The following PKD1L3 variants were observed in gnomAD, a reference collection of about 807,000 sequenced individuals.
PKD1L3 encodes polycystin 1 like 3, transient receptor potential channel interacting, also known as polycystin-1-like protein 3.
A neutral mutation model predicts 184.1 loss-of-function variants in PKD1L3; 239 were observed. The ratio of observed to expected loss-of-function variants is 1.30; its 90% CI spans 1.17 to 1.45. The LOEUF (loss-of-function observed/expected upper bound fraction) is 1.45, where lower values mean the gene tolerates loss of function less well. Ranked by LOEUF, PKD1L3 falls within the 40% of genes most tolerant of loss-of-function variation. PKD1L3 has a pLI of 0.00. For synonymous variants in PKD1L3, 996 were observed against 778.8 expected (o/e 1.28, Z -4.64); for missense variants, 2,660 against 2,067.2 (o/e 1.29, Z -5.56).
chr16:71,945,301 TATATACAC>T (rs1194915713), intron 22 of PKD1L3, among the ~76,000 whole-genome samples: 69 of 55,682 alleles, frequency 1.2e-3, no homozygotes, highest in African/African-American at 4.2e-3. Context: ...TATATATATA[TATATACAC>T]ACACACACAC....
chr16:71,982,166 T>G lies in PKD1L3; in HGVS notation c.1036A>C (p.Ser346Arg), dbSNP rs1168391371. 116 of 1,551,012 alleles carry G rather than the reference T, an allele frequency of 7.5e-5. No homozygotes were observed. The highest frequency in any genetic ancestry group is 9.6e-5 in the Non-Finnish European group (110 of 1,146,710). Residue 346 changes from serine (S) to arginine (R), a missense_variant, in exon 7 of 30, where the codon AGT becomes CGT. Coordinates refer to ENST00000620267, the MANE Select transcript of PKD1L3 (RefSeq NM_181536.2). Reference sequence around the variant, plus strand: ...GTTGGAGGAACTTTGAAGCCCAGACTGTTGTTGTTCTGAAATGGGATCCTG... The same window carrying G: ...GTTGGAGGAACTTTGAAGCCCAGACGGTTGTTGTTCTGAAATGGGATCCTG... ...LLRIPFQNNN[S>R]LGFKVPPTVC...
intron 2 of PKD1L3, among the ~76,000 whole-genome samples, chr16:71,994,420 A>T (rs148443981): frequency 6.6e-6 from 1 of 152,172 alleles, no homozygotes; most frequent in Non-Finnish European, 1.5e-5. Flanking sequence ...GTCTACCAGC[A>T]CCTGTACCTG....
At position 71,977,269 on chromosome 16, in the gene PKD1L3, T is replaced by C. The variant is rs752123492; in HGVS notation, c.1726A>G (p.Ile576Val). The change falls in exon 11 of 30, where the codon ATC becomes GTC. Residue 576 changes from isoleucine (I) to valine (V), a missense_variant. Coordinates refer to ENST00000620267, the MANE Select transcript of PKD1L3 (RefSeq NM_181536.2). Reference protein sequence around the residue: ...QPNCTHFHLNITLPKDKVWQK... With the variant: ...QPNCTHFHLNVTLPKDKVWQK... ...CACACCTTATCCTTTGGAAGGGTGA[T>C]GTTCAGGTGGAAGTGAGTGCAGTTA... 6.5e-7 allele frequency: 1 copy of C among 1,534,990 alleles called. No individual in the cohort carries two copies. The highest frequency in any genetic ancestry group is 8.8e-7 in the Non-Finnish European group (1 of 1,131,834).
chr16:71,966,649 C>T (rs1040456828), intron 15 of PKD1L3, among the ~76,000 whole-genome samples: 1 of 151,992 alleles, frequency 6.6e-6, no homozygotes, highest in African/African-American at 2.4e-5. Context: ...TCAGGCTGTT[C>T]TCAAACTCCT....
chr16:71,944,013 C>G lies in PKD1L3; in HGVS notation c.3859+17G>C, dbSNP rs925124282. ...AAGGTGCTGTGTTATCAGTATGTTG[C>G]CATTTCCTCTCCATACCCAAAATAT... On this transcript the variant is annotated intron_variant, in intron 23 of 29. Coordinates refer to ENST00000620267, the MANE Select transcript of PKD1L3 (RefSeq NM_181536.2). 4 of 1,548,154 alleles carry G rather than the reference C, an allele frequency of 2.6e-6. No individual in the cohort carries two copies. The highest frequency in any genetic ancestry group is 4.0e-5 in the Admixed American group (2 of 49,882).
intron 24 of PKD1L3, 125 bp downstream of exon 24, chr16:71,942,435 A>G (rs567077213): frequency 5.1e-6 from 4 of 778,952 alleles, no homozygotes; most frequent in Admixed American, 2.9e-5. Context: ...TAAGTCTCCA[A>G]CAAATTTACC....
Position 71,937,312 on chromosome 16 carries a change from A to C in PKD1L3, c.4432T>G (p.Cys1478Gly). The change falls in exon 25 of 30, where the codon TGT becomes GGT. Residue 1478 changes from cysteine (C) to glycine (G), a missense_variant. Transcript: ENST00000620267. ...CTCACCTGTATGAAGGCATAGTAAC[A>C]GACCAGTAGATAATAGATGACTTGT... ...ISQVIYYLLV[C>G]YYAFIQGCQL... The C allele has an allele frequency of 6.4e-7, 1 of 1,551,554 alleles. No homozygotes were observed. Among genetic ancestry groups the C allele is most frequent in the South Asian group, 1.2e-5 (1 of 84,052 alleles).
chr16:71,975,523 A>G (rs1445672449), intron 11 of PKD1L3, among the ~76,000 whole-genome samples: 1 of 152,212 alleles, frequency 6.6e-6, no homozygotes, highest in East Asian at 1.9e-4. Context: ...TATTTCATAT[A>G]TAGTCATCTA....
At chr16:71,945,599 A>G (rs1407144962) in intron 22 of PKD1L3, among the ~76,000 whole-genome samples, 1 of 151,646 alleles carries the variant, frequency 6.6e-6, no homozygotes, top group Non-Finnish European at 1.5e-5. Context: ...AACTGCTTGA[A>G]TCTGGGAGGC....
intron 4 of PKD1L3, among the ~76,000 whole-genome samples, chr16:71,987,427 G>A (rs920219903): frequency 1.3e-5 from 2 of 151,948 alleles, no homozygotes; most frequent in African/African-American, 4.8e-5. Context: ...AGGCTGGAGT[G>A]CAGTGGCGCC....
At chr16:71,978,491 GTGTGTATATATATATA>G (rs1025834753) in intron 9 of PKD1L3, 108 bp from the exon 10 acceptor site, 4 of 123,626 alleles carry the variant, frequency 3.2e-5, no homozygotes, top group Non-Finnish European at 3.7e-5. Context: ...GTGTGTGTGT[GTGTGTATATATATATA>G]TATATATATA....
At chr16:71,998,808 T>C (rs1216981424) in intron 1 of PKD1L3, among the ~76,000 whole-genome samples, 3 of 152,164 alleles carry the variant, frequency 2.0e-5, no homozygotes, top group African/African-American at 7.2e-5. Flanking sequence ...TTCCAATAGA[T>C]AAAAATGTAG....
intron 4 of PKD1L3, 85 bp from the exon 5 acceptor site, chr16:71,986,554 A>C (rs1226985043): frequency 1.4e-6 from 2 of 1,411,094 alleles, no homozygotes; most frequent in Admixed American, 4.7e-5. Context: ...AAATACTCTG[A>C]AACTCTGTCC....
intron 17 of PKD1L3, among the ~76,000 whole-genome samples, chr16:71,953,840 G>C (rs1302549181): frequency 6.6e-6 from 1 of 152,212 alleles, no homozygotes; most frequent in Non-Finnish European, 1.5e-5. Context: ...TTTGGGTGGG[G>C]ACACAGAGCC....
intron 11 of PKD1L3, among the ~76,000 whole-genome samples, chr16:71,974,107 A>G (rs1242198674): frequency 6.6e-6 from 1 of 152,234 alleles, no homozygotes; most frequent in African/African-American, 2.4e-5. Flanking sequence ...AAATGAGCAC[A>G]TATCTAAGTT....
Position 71,932,948 on chromosome 16 carries a change from G to C in PKD1L3, c.4926+472C>G, listed in dbSNP as rs1187271169. Among the ~76,000 whole-genome samples, 4 of 151,558 alleles carry C rather than the reference G, an allele frequency of 2.6e-5. No homozygotes were observed. In the South Asian group the frequency reaches 6.2e-4, roughly 24 times the overall value. On this transcript the variant is annotated intron_variant, in intron 28 of 29. Coordinates refer to ENST00000620267, the MANE Select transcript of PKD1L3 (RefSeq NM_181536.2). ...ACTACAGGTGCATGCCACCACACCT[G>C]GCTAATTTTTATTTTTTATTTTTAG...
At position 71,990,347 on chromosome 16, in the gene PKD1L3, C is replaced by T; in HGVS notation, c.536-18G>A. 6.5e-7 allele frequency: 1 copy of T among 1,535,928 alleles called. No individual in the cohort carries two copies. Among genetic ancestry groups the T allele is most frequent in the South Asian group, 1.2e-5 (1 of 83,480 alleles). On this transcript the variant is annotated intron_variant, in intron 3 of 29. Coordinates refer to ENST00000620267, the MANE Select transcript of PKD1L3 (RefSeq NM_181536.2). The stretch of plus-strand genomic sequence containing the variant: ...ACCAGGTCCTATAGAAAAAAGAAAG[C>T]AGACTAAGTTCAAGTAAAAGCCTAA...
At chr16:71,967,432 T>C (rs1388729510) in intron 14 of PKD1L3, 117 bp from the exon 15 acceptor site, 1 of 990,666 alleles carries the variant, frequency 1.0e-6, no homozygotes, top group Non-Finnish European at 1.4e-6. Context: ...TTTCGGATCT[T>C]AGACAAGCAT....
intron 28 of PKD1L3, among the ~76,000 whole-genome samples, chr16:71,932,592 A>G (rs1254990998): frequency 6.6e-6 from 1 of 151,446 alleles, no homozygotes; most frequent in African/African-American, 2.4e-5. Context: ...TCCTGCATCA[A>G]CCTCCTGAGG....
Sources: gnomAD v4.1 joint callset for allele counts (sites outside exome capture counted in the v4.1 genomes callset) on GRCh38, gnomAD v4.1.1 for gene constraint, MANE v1.5 for transcripts, NCBI Gene and HGNC (gene_info 2026-07-23, HGNC 2026-07-21) for gene names.